The following DNAH8 variants were observed in gnomAD, a reference collection of about 807,000 sequenced individuals.
DNAH8 encodes the protein axonemal beta dynein heavy chain 8.
In DNAH8, 382 loss-of-function variants were observed where a neutral mutation model predicts 562.1. The ratio of observed to expected loss-of-function variants is 0.68; its 90% CI spans 0.63 to 0.74. The LOEUF is 0.74. Among genes scored for constraint, DNAH8 ranks in the 30% least tolerant of loss-of-function variants. The pLI, the probability that DNAH8 is intolerant of heterozygous loss-of-function variation, is 0.00. For synonymous variants in DNAH8, 1,881 were observed against 1,919.4 expected (o/e 0.98, Z 0.52); for missense variants, 5,203 against 5,620.4 (o/e 0.93, Z 2.37).
chr6:38,889,893 A>G (rs1779223542), intron 57 of DNAH8, among the ~76,000 whole-genome samples: 1 of 122,140 alleles, frequency 8.2e-6, no homozygotes, highest in South Asian at 2.8e-4. Context: ...GCAGATATTC[A>G]TATTCCTCTG....
At chr6:39,000,047 T>C (rs1289483837) in intron 88 of DNAH8, among the ~76,000 whole-genome samples, 2 of 152,180 alleles carry the variant, frequency 1.3e-5, no homozygotes, top group African/African-American at 4.8e-5. Flanking sequence ...CCTTTAAATA[T>C]TGAAGAATTG....
rs182442615 is a variant in DNAH8 at position 38,918,034 on chromosome 6, C to T, written c.10418C>T (p.Thr3473Ile). The change falls in exon 70 of 93, where the codon ACT (threonine) becomes ATT (isoleucine). Residue 3473 changes from threonine (T) to isoleucine (I), a missense_variant. This residue lies in a region of DNAH8 where 1,399 missense variants were observed against 1,518.4 expected (regional missense o/e 0.92). Coordinates refer to ENST00000327475, the MANE Select transcript of DNAH8 (RefSeq NM_001206927.2). Reference sequence around the variant, plus strand: ...CCATATTTTAATATGGATGATTATACTTTTGAAAGTGCCAAAAAAGTCTGT... The same window carrying T: ...CCATATTTTAATATGGATGATTATATTTTTGAAAGTGCCAAAAAAGTCTGT... ...LQPYFNMDDY[T>I]FESAKKVCGN... The T allele has an allele frequency of 3.1e-6, 5 of 1,613,836 alleles. No homozygotes were observed. The highest frequency in any genetic ancestry group is 2.2e-5 in the South Asian group (2 of 91,066).
At chr6:38,998,255 T>A (rs1765270749) in intron 88 of DNAH8, among the ~76,000 whole-genome samples, 1 of 152,184 alleles carries the variant, frequency 6.6e-6, no homozygotes, top group Non-Finnish European at 1.5e-5. Flanking sequence ...TCAAGGTGAA[T>A]AAATGCTTTA....
chr6:38,773,441 T>C (rs1008278236), intron 12 of DNAH8, among the ~76,000 whole-genome samples: 12 of 152,026 alleles, frequency 7.9e-5, no homozygotes, highest in African/African-American at 2.9e-4. Context: ...GAGGAAGTGG[T>C]CTGTAATGAC....
intron 53 of DNAH8, among the ~76,000 whole-genome samples, chr6:38,880,982 G>T (rs1228932192): frequency 1.3e-5 from 2 of 152,086 alleles, no homozygotes; most frequent in Admixed American, 6.5e-5. Flanking sequence ...AGCTGAGATC[G>T]CACCACTACA....
At chr6:38,947,554 C>T (rs184667890) in intron 80 of DNAH8, among the ~76,000 whole-genome samples, 143 of 152,218 alleles carry the variant, frequency 9.4e-4, no homozygotes, top group Admixed American at 3.6e-3. Flanking sequence ...GAAGAATAGT[C>T]ATCCGCTTTC....
intron 57 of DNAH8, among the ~76,000 whole-genome samples, chr6:38,889,505 G>A (rs1330211824): frequency 2.0e-5 from 3 of 152,132 alleles, no homozygotes; most frequent in South Asian, 4.2e-4. Context: ...CTGTACATGA[G>A]CGTTTGTTAT....
At chr6:38,773,262 A>G (rs919410683) in intron 12 of DNAH8, among the ~76,000 whole-genome samples, 3 of 151,540 alleles carry the variant, frequency 2.0e-5, no homozygotes, top group Non-Finnish European at 4.4e-5. Context: ...AGTTACCCCT[A>G]CCCCTATTTT....
At chr6:38,894,916 A>G in intron 59 of DNAH8, 52 bp downstream of exon 59, 2 of 1,503,372 alleles carry the variant, frequency 1.3e-6, no homozygotes, top group Non-Finnish European at 1.8e-6. Flanking sequence ...AGTTTATACT[A>G]CTTGGTTAAT....
chr6:38,730,109 T>TATAAGAA (rs1439574981), intron 4 of DNAH8, 123 bp downstream of exon 4: 2 of 576,026 alleles, frequency 3.5e-6, no homozygotes, highest in Non-Finnish European at 6.1e-6. Context: ...GAAGTTTATG[T>TATAAGAA]ATAAGAAATA....
chr6:38,904,529 G>T (rs766771367), intron 62 of DNAH8, among the ~76,000 whole-genome samples: 1 of 152,092 alleles, frequency 6.6e-6, no homozygotes, highest in Non-Finnish European at 1.5e-5. Context: ...CCTGGCTCAC[G>T]CCTGTAATCC....
intron 6 of DNAH8, 83 bp downstream of exon 6, chr6:38,737,339 T>C (rs1386110988): frequency 1.1e-6 from 1 of 871,020 alleles, no homozygotes; most frequent in Non-Finnish European, 1.6e-6. Context: ...AAAAAGTTTC[T>C]ATCTTAAAAG....
intron 82 of DNAH8, among the ~76,000 whole-genome samples, chr6:38,953,438 C>A (rs575315412): frequency 2.0e-5 from 3 of 152,172 alleles, no homozygotes; most frequent in Non-Finnish European, 4.4e-5. Context: ...TGCAGAAGGG[C>A]AGACTTGTGT....
intron 79 of DNAH8, among the ~76,000 whole-genome samples, chr6:38,944,368 T>G (rs527504420): frequency 6.6e-6 from 1 of 152,198 alleles, no homozygotes; most frequent in Non-Finnish European, 1.5e-5. Flanking sequence ...CTTTCGTTCA[T>G]ACAGCTACTC....
chr6:38,747,008 G>A (rs1249735644), intron 8 of DNAH8, among the ~76,000 whole-genome samples: 1 of 151,968 alleles, frequency 6.6e-6, no homozygotes, highest in African/African-American at 2.4e-5. Context: ...TATTTCTAGG[G>A]TTTTATTTCT....
intron 91 of DNAH8, among the ~76,000 whole-genome samples, chr6:39,018,252 T>C (rs889068089): frequency 2.6e-5 from 4 of 152,226 alleles, no homozygotes; most frequent in Non-Finnish European, 5.9e-5. Flanking sequence ...TGTGTTTACC[T>C]TCCTTAGCAA....
chr6:38,913,771 A>G (rs1781085218), intron 66 of DNAH8, 78 bp from the exon 67 acceptor site: 3 of 999,212 alleles, frequency 3.0e-6, no homozygotes, highest in African/African-American at 1.6e-5. Flanking sequence ...TGCCTAATAA[A>G]TAGTAAACAT....
intron 89 of DNAH8, among the ~76,000 whole-genome samples, chr6:39,010,197 G>T (rs960304764): frequency 8.5e-5 from 13 of 152,200 alleles, no homozygotes; most frequent in Middle Eastern, 6.8e-3. Context: ...GAAAGAGTTT[G>T]TACTAAGAGA....
Position 38,868,107 on chromosome 6 carries a change from A to G in DNAH8, c.6739A>G (p.Thr2247Ala), listed in dbSNP as rs1777195290. The change falls in exon 48 of 93, where the codon ACT becomes GCT. Residue 2247 changes from threonine (T) to alanine (A), a missense_variant. By Grantham distance (58) the Thr-to-Ala change is moderately conservative. Transcript: ENST00000327475. ...GLRNILSVLR[T>A]LGSQKRARPE... ...GAGAAATATTCTGTCTGTATTGAGG[A>G]CTCTTGGATCTCAAAAAAGAGCCAG... 6.2e-7 allele frequency: 1 copy of G among 1,613,494 alleles called. No homozygotes were observed. Among genetic ancestry groups the G allele is most frequent in the East Asian group, 2.2e-5 (1 of 44,848 alleles).
Sources: allele counts gnomAD v4.1 joint callset (sites outside exome capture counted in the v4.1 genomes callset), GRCh38; gene constraint gnomAD v4.1.1; regional missense constraint gnomAD v4.1.1; transcripts MANE v1.5; gene names NCBI Gene and HGNC (gene_info 2026-07-23, HGNC 2026-07-21).